DYSF: variants seen among roughly 807,000 people sequenced by gnomAD.
DYSF encodes dysferlin.
DYSF carries 212 observed loss-of-function variants against 274.9 expected under a neutral mutation model. That is an observed-to-expected ratio of 0.77 (90% CI 0.69 to 0.86). DYSF has a LOEUF of 0.86. Ranked by LOEUF, DYSF falls within the 40% of genes least tolerant of loss-of-function variation. The pLI, the probability that DYSF is intolerant of heterozygous loss-of-function variation, is 0.00. For missense variants in DYSF, 2,666 were observed against 2,783.2 expected, an observed-to-expected ratio of 0.96 and a Z score of 0.95; for synonymous variants, 1,091 against 1,078.7, an observed-to-expected ratio of 1.01 and a Z score of -0.22.
At position 71,598,594 on chromosome 2, in the gene DYSF, A is replaced by G; in HGVS notation, c.3605A>G (p.Gln1202Arg). ...TATGCCATCGTCTCCTTCCTGCACC[A>G]GAGCCAGAAGACGGTGGTGGTGAAG... ...DPYAIVSFLH[Q>R]SQKTVVVKNT... Residue 1202 changes from glutamine (Q) to arginine (R), a missense_variant, in exon 33 of 56, where the codon CAG becomes CGG. Gln to Arg is a conservative substitution (Grantham distance 43). This residue lies in a region of DYSF where 1,460 missense variants were observed against 1,502.1 expected (regional missense o/e 0.97). Transcript: ENST00000410020. The G allele has an allele frequency of 6.2e-7, 1 of 1,614,176 alleles. No homozygotes were observed. The highest frequency in any genetic ancestry group is 1.1e-5 in the South Asian group (1 of 91,088).
intron 36 of DYSF, among the ~76,000 whole-genome samples, chr2:71,609,203 G>T (rs929575700): frequency 1.3e-5 from 2 of 152,190 alleles, no homozygotes; most frequent in African/African-American, 4.8e-5. Context: ...CTTTCATGTG[G>T]ACTGTGACAT....
rs200332663 is a variant in DYSF, at chr2:71,478,836, C to CT, written c.92-2040dup. ...GCTCCCTCTCACGTGCTCTCTTTCTCTTTTTTTCTCTCTCCTCTTCTTCAA... is the reference window on the plus strand; with the variant it reads ...GCTCCCTCTCACGTGCTCTCTTTCTCTTTTTTTTCTCTCTCCTCTTCTTCAA... On this transcript the variant is annotated intron_variant, in intron 1 of 55. Transcript: ENST00000410020. Among the ~76,000 whole-genome samples, 643 of 152,120 alleles carry CT rather than the reference C, an allele frequency of 4.2e-3. 16 individuals are homozygous for CT. The highest frequency in any genetic ancestry group is 0.031 in the Admixed American group (478 of 15,254).
At chr2:71,612,424 C>T (rs1354801534) in intron 38 of DYSF, among the ~76,000 whole-genome samples, 1 of 152,182 alleles carries the variant, frequency 6.6e-6, no homozygotes, top group African/African-American at 2.4e-5. Context: ...GAAGGTAAAG[C>T]TGTGGGGGGA....
intron 4 of DYSF, among the ~76,000 whole-genome samples, chr2:71,509,511 T>A (rs2085859330): frequency 6.6e-6 from 1 of 152,198 alleles, no homozygotes; most frequent in South Asian, 2.1e-4. Context: ...AATTCATTAT[T>A]GCTTTGATGA....
Position 71,564,141 on chromosome 2 carries a change from A to G in DYSF, c.2493A>G (p.Gln831=). ...CATACCAGCGGGTGCCCGCCCACCA[A>G]GTCCTCTTCTCCCGGCGGGGTGCCA... ...RVAYQRVPAH[Q]VLFSRRGANY... is the part of the protein sequence containing the mutation. Residue 831 remains glutamine (Q), a synonymous_variant, in exon 24 of 56, where the codon CAA becomes CAG. Coordinates refer to ENST00000410020, the MANE Select transcript of DYSF (RefSeq NM_001130987.2). 3.1e-6 allele frequency: 5 copies of G among 1,614,270 alleles called. No individual in the cohort carries two copies. The highest frequency in any genetic ancestry group is 4.2e-6 in the Non-Finnish European group (5 of 1,180,048).
Position 71,522,973 on chromosome 2 carries a change from C to G in DYSF, c.1149+2069C>G, listed in dbSNP as rs529992452. On this transcript the variant is annotated intron_variant, in intron 12 of 55. Coordinates refer to ENST00000410020, the MANE Select transcript of DYSF (RefSeq NM_001130987.2). ...GAGTTTGAGGTCCAGCTCCCACTCTCTCTCACTTGGGTCTCTTTGTGAATT... is the reference window on the plus strand; with the variant it reads ...GAGTTTGAGGTCCAGCTCCCACTCTGTCTCACTTGGGTCTCTTTGTGAATT... Among the ~76,000 whole-genome samples the G allele has an allele frequency of 3.3e-5, 5 of 152,318 alleles. No individual in the cohort carries two copies. In the East Asian group the frequency reaches 9.7e-4, roughly 29 times the overall value.
intron 41 of DYSF, among the ~76,000 whole-genome samples, chr2:71,635,770 GA>G (rs1383390585): frequency 1.6e-5 from 2 of 126,706 alleles, no homozygotes; most frequent in Non-Finnish European, 3.2e-5. Flanking sequence ...AAAAAAGAAA[GA>G]AAAAAGAAAA....
At chr2:71,618,329 GGGGT>G (rs2093975928) in intron 40 of DYSF, among the ~76,000 whole-genome samples, 1 of 42,176 alleles carries the variant, frequency 2.4e-5, no homozygotes, top group African/African-American at 7.4e-5. Flanking sequence ...TGGTAGAGAT[GGGGT>G]GTGTGTGTGG....
chr2:71,526,387 C>T, intron 13 of DYSF, 41 bp downstream of exon 13: 1 of 1,166,476 alleles, frequency 8.6e-7, no homozygotes, highest in Non-Finnish European at 1.2e-6. Flanking sequence ...CTGCAGGAGG[C>T]TGGAGGCGCA....
intron 1 of DYSF, among the ~76,000 whole-genome samples, chr2:71,470,737 T>TTTCCTTCCTTCCTTCC (rs56939256): frequency 8.5e-4 from 82 of 96,084 alleles, no homozygotes; most frequent in Non-Finnish European, 1.1e-3. Context: ...TCCTTCCTTC[T>TTTCCTTCCTTCCTTCC]TTCCTTCCTT....
intron 30 of DYSF, among the ~76,000 whole-genome samples, chr2:71,581,580 C>G (rs2152832913): frequency 6.6e-6 from 1 of 152,360 alleles, no homozygotes; most frequent in Admixed American, 6.5e-5. Context: ...ATTCAACCAT[C>G]TGTAGCTCCA....
Position 71,615,794 on chromosome 2 carries a change from G to A in DYSF, c.4464+2384G>A, listed in dbSNP as rs946171477. 1.3e-5 allele frequency among the ~76,000 whole-genome samples: 2 copies of A among 152,106 alleles called. No homozygotes were observed. Among genetic ancestry groups the A allele is most frequent in the African/African-American group, 4.8e-5 (2 of 41,428 alleles). ...TAGCATGAAGGGCCCTGGCTTCTGG[G>A]GACAGGAGGGACGAGAGGTCTGGCA... On this transcript the variant is annotated intron_variant, in intron 40 of 55. Coordinates refer to ENST00000410020, the MANE Select transcript of DYSF (RefSeq NM_001130987.2). This position sits in a 1 kb window ranked among gnomAD's most constrained non-coding sequence, Gnocchi z 4.9.
chr2:71,650,780 T>C (rs746840754), intron 42 of DYSF, among the ~76,000 whole-genome samples: 1 of 152,144 alleles, frequency 6.6e-6, no homozygotes, highest in Non-Finnish European at 1.5e-5. Context: ...TTAACAATTC[T>C]TGGGTGAAGG....
chr2:71,454,209 G>A, intron 1 of DYSF: 1 of 967,640 alleles, frequency 1.0e-6, no homozygotes, highest in Non-Finnish European at 1.6e-6. Flanking sequence ...CCGCCAGACT[G>A]ACGTTGAGTG....
chr2:71,556,789 A>G (rs1351283527), intron 22 of DYSF, among the ~76,000 whole-genome samples: 1 of 152,272 alleles, frequency 6.6e-6, no homozygotes, highest in East Asian at 1.9e-4. Context: ...TAGTTTTCTC[A>G]GCTGTTAAAT....
chr2:71,625,807 CCTT>C (rs1335448948), intron 41 of DYSF, among the ~76,000 whole-genome samples: 7 of 151,936 alleles, frequency 4.6e-5, no homozygotes, highest in Non-Finnish European at 1.0e-4. Context: ...TTTATTTAGG[CCTT>C]CTTTAATGGT....
At chr2:71,494,327 T>C (rs1430299758) in intron 3 of DYSF, among the ~76,000 whole-genome samples, 1 of 152,218 alleles carries the variant, frequency 6.6e-6, no homozygotes, top group Non-Finnish European at 1.5e-5. Context: ...TGGAGGCACA[T>C]GATGTTCCTT....
chr2:71,571,148 CAGATCACACCCAGCACACCCAA>C (rs1270191718), intron 29 of DYSF, among the ~76,000 whole-genome samples: 12 of 150,148 alleles, frequency 8.0e-5, no homozygotes, highest in African/African-American at 3.0e-4. Context: ...AGCGCATGCA[CAGATCACACCCAGCACACCCAA>C]AGATCACACC....
At chr2:71,507,138 T>G (rs1347995000) in intron 4 of DYSF, among the ~76,000 whole-genome samples, 1 of 151,940 alleles carries the variant, frequency 6.6e-6, no homozygotes, top group Non-Finnish European at 1.5e-5. Context: ...CTGGGCACGG[T>G]GTGGAAGAGT....
Sources: allele counts gnomAD v4.1 joint callset (sites outside exome capture counted in the v4.1 genomes callset), GRCh38; gene constraint gnomAD v4.1.1; regional missense constraint gnomAD v4.1.1; non-coding constraint Gnocchi (gnomAD v3.1); transcripts MANE v1.5; gene names NCBI Gene and HGNC (gene_info 2026-07-23, HGNC 2026-07-21).